Variants in AKAP12 observed in about 807,000 individuals in gnomAD.
The protein encoded by AKAP12 is A-kinase anchor protein 12.
In AKAP12, 32 loss-of-function variants were observed where a neutral mutation model predicts 79.9. The observed-to-expected ratio is 0.40, with a 90% CI of 0.30 to 0.54. The LOEUF is 0.54. Ranked by LOEUF, AKAP12 falls within the 20% of genes least tolerant of loss-of-function variation. AKAP12 has a pLI of 0.48. For synonymous variants in AKAP12, 808 were observed against 857.0 expected (o/e 0.94, Z 1.00); for missense variants, 2,074 against 2,177.0 (o/e 0.95, Z 0.94).
At chr6:151,281,026 T>C (rs1358981337) in intron 2 of AKAP12, among the ~76,000 whole-genome samples, 2 of 152,168 alleles carry the variant, frequency 1.3e-5, no homozygotes, top group African/African-American at 4.8e-5. Flanking sequence ...AGTAAACACA[T>C]TGGCAGCTTC....
In AKAP12 at chr6:151,349,690, G is replaced by A. The variant is rs139888108; in HGVS notation, c.1299G>A (p.Thr433=). The A allele has an allele frequency of 6.6e-5, 106 of 1,614,132 alleles. No homozygotes were observed. The African/African-American group carries it at 1.0e-3, about 16-fold the overall frequency. The change falls in exon 4 of 5, where the codon ACG becomes ACA. Residue 433 remains threonine, a synonymous_variant. Transcript: ENST00000402676. ...TVEERTEEQK[T]EVEETAGSVP... ...AGGAGAGAACCGAAGAGCAGAAAACGGAGGTGGAAGAAACAGCAGGGTCTG... is the reference window on the plus strand; with the variant it reads ...AGGAGAGAACCGAAGAGCAGAAAACAGAGGTGGAAGAAACAGCAGGGTCTG...
intron 2 of AKAP12, among the ~76,000 whole-genome samples, chr6:151,300,165 G>A (rs1776829993): frequency 6.6e-6 from 1 of 152,080 alleles, no homozygotes; most frequent in African/African-American, 2.4e-5. Context: ...CAATGAAGAG[G>A]TTTCTTTACA....
chr6:151,303,374 A>G (rs546170148), intron 2 of AKAP12, among the ~76,000 whole-genome samples: 1 of 152,354 alleles, frequency 6.6e-6, no homozygotes, highest in South Asian at 2.1e-4. Context: ...TATTCTGTTT[A>G]ATAAATGGAC....
rs908097728 is a variant in AKAP12, at chr6:151,353,394, G to A, written c.5003G>A (p.Gly1668Asp). Residue 1668 changes from glycine to aspartate, a missense_variant, in exon 4 of 5, where the codon GGT (glycine) becomes GAT (aspartate). This residue lies in a region of AKAP12 where 614 missense variants were observed against 665.6 expected (regional missense o/e 0.92). Coordinates refer to ENST00000402676, the MANE Select transcript of AKAP12 (RefSeq NM_005100.4). ...EVVLPSEEEGGGAGTKSVPED... is the reference protein window; with the variant it reads ...EVVLPSEEEGDGAGTKSVPED... The stretch of plus-strand genomic sequence containing the variant: ...GTCCTCCCATCTGAGGAAGAGGGAG[G>A]TGGAGCTGGAACAAAGTCTGTGCCA... 1.9e-6 allele frequency: 3 copies of A among 1,614,082 alleles called. No homozygotes were observed. Among genetic ancestry groups the A allele is most frequent in the African/African-American group, 2.7e-5 (2 of 74,924 alleles).
At chr6:151,277,833 T>G (rs1386789318) in intron 2 of AKAP12, among the ~76,000 whole-genome samples, 1 of 152,190 alleles carries the variant, frequency 6.6e-6, no homozygotes, top group Non-Finnish European at 1.5e-5. Context: ...CTGTATTGGT[T>G]CTTCTGGTGC....
chr6:151,280,077 C>T (rs1441881502), intron 2 of AKAP12, among the ~76,000 whole-genome samples: 1 of 149,962 alleles, frequency 6.7e-6, no homozygotes, highest in Non-Finnish European at 1.5e-5. Context: ...AATACTGTTG[C>T]GTAACTTGCC....
At chr6:151,281,079 C>T (rs1195625782) in intron 2 of AKAP12, among the ~76,000 whole-genome samples, 1 of 152,116 alleles carries the variant, frequency 6.6e-6, no homozygotes, top group African/African-American at 2.4e-5. Flanking sequence ...TGCTTTCATC[C>T]TGTTATTTCC....
At chr6:151,281,555 G>A (rs576052432) in intron 2 of AKAP12, among the ~76,000 whole-genome samples, 58 of 152,254 alleles carry the variant, frequency 3.8e-4, no homozygotes, top group African/African-American at 1.3e-3. Flanking sequence ...TACACATAGG[G>A]AATAGCCTCC....
At chr6:151,348,019 A>G (rs1778150465) in intron 3 of AKAP12, among the ~76,000 whole-genome samples, 2 of 43,990 alleles carry the variant, frequency 4.5e-5, no homozygotes, top group Non-Finnish European at 2.4e-4. Context: ...TAAAAATACA[A>G]AAAAAAAAAA....
intron 2 of AKAP12, among the ~76,000 whole-genome samples, chr6:151,279,731 C>T (rs1293045949): frequency 2.0e-5 from 3 of 151,782 alleles, no homozygotes; most frequent in African/African-American, 7.3e-5. Context: ...GTAGTCCTAG[C>T]TACTGGGGGG....
chr6:151,336,818 G>T (rs1777825498), intron 3 of AKAP12, among the ~76,000 whole-genome samples: 1 of 152,224 alleles, frequency 6.6e-6, no homozygotes, highest in Admixed American at 6.5e-5. Flanking sequence ...CTGATAATTA[G>T]TGATGCTGAG....
chr6:151,342,804 C>G (rs1777986337), intron 3 of AKAP12, among the ~76,000 whole-genome samples: 1 of 152,164 alleles, frequency 6.6e-6, no homozygotes, highest in Non-Finnish European at 1.5e-5. Flanking sequence ...TGGCAGTCGC[C>G]CAGGCTGGAG....
At chr6:151,319,443 G>GTCTATCTA (rs59954289) in intron 3 of AKAP12, among the ~76,000 whole-genome samples, 6,265 of 140,138 alleles carry the variant, frequency 0.045, 167 homozygotes, top group Middle Eastern at 0.077. Flanking sequence ...ACAGGTGTCT[G>GTCTATCTA]TCTATCTATC....
At chr6:151,304,877 T>A (rs948442543) in intron 2 of AKAP12, among the ~76,000 whole-genome samples, 5 of 152,186 alleles carry the variant, frequency 3.3e-5, no homozygotes, top group African/African-American at 1.2e-4. Context: ...CGGCCATGCC[T>A]GCTGATTTTG....
At position 151,350,859 on chromosome 6, in the gene AKAP12, A is replaced by G; in HGVS notation, c.2468A>G (p.Gln823Arg). ...GRRKKRPDGKQEQAPVEDAGP... is the reference protein window; with the variant it reads ...GRRKKRPDGKREQAPVEDAGP... ...AGGAAGAAAAGGCCAGATGGGAAAC[A>G]AGAACAAGCCCCTGTTGAAGACGCA... The change falls in exon 4 of 5, where the codon CAA becomes CGA. Residue 823 changes from glutamine to arginine, a missense_variant. By Grantham distance (43) the Gln-to-Arg change is conservative. This residue lies in a region of AKAP12 where 1,428 missense variants were observed against 1,451.0 expected (regional missense o/e 0.98). Coordinates refer to ENST00000402676, the MANE Select transcript of AKAP12 (RefSeq NM_005100.4). This position sits in a 1 kb window ranked among gnomAD's most constrained non-coding sequence, Gnocchi z 4.8. The G allele has an allele frequency of 6.2e-7, 1 of 1,614,184 alleles. No individual in the cohort carries two copies. The highest frequency in any genetic ancestry group is 1.1e-5 in the South Asian group (1 of 91,082).
Position 151,353,029 on chromosome 6 carries a change from C to T in AKAP12, c.4638C>T (p.Ser1546=), listed in dbSNP as rs779702210. The part of the protein sequence containing the change: ...ENGILELETK[S]SKLVQNIIQT... ...GGATTTTGGAACTTGAGACCAAAAG[C>T]AGTAAACTTGTCCAAAACATCATCC... Residue 1546 remains serine (S), a synonymous_variant, in exon 4 of 5, where the codon AGC becomes AGT. Coordinates refer to ENST00000402676, the MANE Select transcript of AKAP12 (RefSeq NM_005100.4). 2.5e-6 allele frequency: 4 copies of T among 1,614,038 alleles called. No individual in the cohort carries two copies. In the African/African-American group the frequency reaches 5.3e-5, roughly 22 times the overall value.
chr6:151,301,763 A>G (rs1049877887), intron 2 of AKAP12, among the ~76,000 whole-genome samples: 6 of 152,180 alleles, frequency 3.9e-5, no homozygotes, highest in Non-Finnish European at 7.3e-5. Flanking sequence ...CTATTCACAT[A>G]GTAAAATAGA....
intron 3 of AKAP12, chr6:151,323,783 G>A: frequency 1.0e-6 from 1 of 985,388 alleles, no homozygotes; most frequent in Non-Finnish European, 1.2e-6. Flanking sequence ...AGAAAGGAGA[G>A]GAGCTGGAGA....
At chr6:151,296,633 C>T (rs531488530) in intron 2 of AKAP12, among the ~76,000 whole-genome samples, 3 of 152,198 alleles carry the variant, frequency 2.0e-5, no homozygotes, top group East Asian at 1.9e-4. Flanking sequence ...AAAAATTAGC[C>T]GAGTGTGGTG....
Sources: allele counts gnomAD v4.1 joint callset (sites outside exome capture counted in the v4.1 genomes callset), GRCh38; gene constraint gnomAD v4.1.1; regional missense constraint gnomAD v4.1.1; non-coding constraint Gnocchi (gnomAD v3.1); transcripts MANE v1.5; gene names NCBI Gene and HGNC (gene_info 2026-07-23, HGNC 2026-07-21).